COL9A3: variants seen among roughly 807,000 people sequenced by gnomAD.
COL9A3 encodes collagen alpha-3(IX) chain.
COL9A3 carries 82 observed loss-of-function variants against 110.2 expected under a neutral mutation model. That is an observed-to-expected ratio of 0.74 (90% CI 0.62 to 0.89). COL9A3 has a LOEUF of 0.89. Ranked by LOEUF, COL9A3 falls within the 40% of genes least tolerant of loss-of-function variation. The probability of loss-of-function intolerance (pLI) is 0.00; values close to 1 mark genes in which losing one functional copy is unlikely to be tolerated. For synonymous variants in COL9A3, 494 were observed against 403.8 expected (o/e 1.22, Z -2.68); for missense variants, 1,066 against 981.3 (o/e 1.09, Z -1.15).
intron 25 of COL9A3, 22 bp from the exon 26 acceptor site, chr20:62,832,998 C>T (rs760518094): frequency 3.1e-6 from 5 of 1,612,622 alleles, no homozygotes; most frequent in Admixed American, 3.3e-5. Flanking sequence ...GCTCTTTTAA[C>T]TTTGGGGTGT....
upstream of COL9A3, among the ~76,000 whole-genome samples, chr20:62,816,792 A>G (rs954516603): frequency 6.6e-6 from 1 of 152,128 alleles, no homozygotes; most frequent in Non-Finnish European, 1.5e-5. Context: ...CTCTTGCTCA[A>G]AGCTGCGTGT....
chr20:62,832,831 C>T lies in COL9A3; in HGVS notation c.1324-189C>T, dbSNP rs973926637. The T allele has an allele frequency of 4.0e-5, 24 of 596,586 alleles. No homozygotes were observed. The African/African-American group carries it at 4.1e-4, about 10-fold the overall frequency. 37.0% of individuals were successfully genotyped at this position (596,586 alleles called of 1,614,324 possible). ...AAATGTCTTCCGTTTTTTGGCCCCG[C>T]CCCTGCCTGCAGGTCTCCCAAGGGC... is the stretch of plus-strand genomic sequence containing the variant. On this transcript the variant is annotated intron_variant, in intron 25 of 31. Transcript: ENST00000649368.
chr20:62,817,865 C>G (rs780329094), intron 2 of COL9A3: 1 of 663,538 alleles, frequency 1.5e-6, no homozygotes. Context: ...AATGCCGGCA[C>G]TGAGGTGTGT....
intron 19 of COL9A3, 48 bp from the exon 20 acceptor site, chr20:62,829,407 G>A (rs540322106): frequency 1.6e-5 from 25 of 1,611,180 alleles, no homozygotes; most frequent in African/African-American, 8.0e-5. Context: ...TGCTGCTGCC[G>A]GCGTGCAATG....
At chr20:62,840,468 C>T in intron 31 of COL9A3, 74 bp from the exon 32 acceptor site, 2 of 1,372,858 alleles carry the variant, frequency 1.5e-6, no homozygotes, top group Non-Finnish European at 2.1e-6. Context: ...CAGGGCTTGC[C>T]CACAGCTGGA....
chr20:62,839,506 T>TA (rs1490056708), intron 31 of COL9A3, among the ~76,000 whole-genome samples: 1 of 152,192 alleles, frequency 6.6e-6, no homozygotes, highest in Non-Finnish European at 1.5e-5. Context: ...CAGGAGGCCT[T>TA]AGACTCCAAG....
intron 31 of COL9A3, among the ~76,000 whole-genome samples, 186 bp from the exon 32 acceptor site, chr20:62,840,356 A>G (rs1168237457): frequency 6.6e-6 from 1 of 151,102 alleles, no homozygotes; most frequent in East Asian, 2.0e-4. Flanking sequence ...TTCCCCGGAC[A>G]CTCCCGACCG....
At position 62,829,009 on chromosome 20, in the gene COL9A3, C is replaced by A. The variant is rs781232344; in HGVS notation, c.1008+33C>A. On this transcript the variant is annotated intron_variant, in intron 19 of 31. Coordinates refer to ENST00000649368, the MANE Select transcript of COL9A3 (RefSeq NM_001853.4). ...CCCGGCGGGTGGGGCCAGCCTGGGG[C>A]GCCACAGCTTCTGCCTGCTCAGTGG... 3.2e-6 allele frequency: 5 copies of A among 1,573,576 alleles called. No homozygotes were observed. The East Asian group carries it at 9.3e-5, about 29-fold the overall frequency.
rs116631372 is a variant in COL9A3 at position 62,838,457 on chromosome 20, G to A, written c.1787-227G>A. 0.011 allele frequency among the ~76,000 whole-genome samples: 1,653 copies of A among 152,334 alleles called. 21 individuals carry two copies. Among genetic ancestry groups the A allele is most frequent in the African/African-American group, 0.036 (1,478 of 41,574 alleles). The stretch of plus-strand genomic sequence containing the variant: ...CTTAAGGGACCACTGTCACCTATGC[G>A]GTGCGTCGTCCACCTGCAGCCGTCC... On this transcript the variant is annotated intron_variant, in intron 30 of 31. Coordinates refer to ENST00000649368, the MANE Select transcript of COL9A3 (RefSeq NM_001853.4).
chr20:62,821,798 C>T lies in COL9A3; in HGVS notation c.411C>T (p.Leu137=), dbSNP rs756596948. The change falls in exon 8 of 32, where the codon CTC becomes CTT. Residue 137 remains leucine (L), a synonymous_variant. Transcript: ENST00000649368. The stretch of plus-strand genomic sequence containing the variant: ...GCGGCCCCCCAGGTGGGATCGGCCT[C>T]CGCGGCCCCCCGGTGAGTGGCTGTC... ...GVSGPPGGIG[L]RGPPGPSGLP... 1.9e-6 allele frequency: 3 copies of T among 1,604,716 alleles called. No individual in the cohort carries two copies. The African/African-American group carries it at 4.0e-5, about 21-fold the overall frequency.
Position 62,817,140 on chromosome 20 carries a change from C to T in COL9A3, c.76C>T (p.Gln26Ter). 7.2e-7 allele frequency: 1 copy of T among 1,395,116 alleles called. No individual in the cohort carries two copies. Among genetic ancestry groups the T allele is most frequent in the South Asian group, 1.4e-5 (1 of 70,724 alleles). 86.4% of individuals were successfully genotyped at this position (1,395,116 alleles called of 1,614,324 possible). ...GGAGCTTCTGGCGGCCGCCGGGGCG[C>T]AGGTGAGCGCGAGCTCCGGGCTCTG... ...LGELLAAAGA[Q>*]RVGLPGPPGP... Residue 26 changes from glutamine to a stop codon, truncating the protein, a stop_gained and splice_region_variant, in exon 1 of 32, where the codon CAG (glutamine) becomes TAG (stop). Transcript: ENST00000649368. LOFTEE classifies it high-confidence loss of function.
Position 62,828,960 on chromosome 20 carries a change from G to T in COL9A3, c.992G>T (p.Gly331Val), listed in dbSNP as rs1289798628. 2 of 1,609,218 alleles carry T rather than the reference G, an allele frequency of 1.2e-6. No homozygotes were observed. Among genetic ancestry groups the T allele is most frequent in the East Asian group, 2.2e-5 (1 of 44,784 alleles). Residue 331 changes from glycine to valine, a missense_variant, in exon 19 of 32, where the codon GGC (glycine) becomes GTC (valine). Transcript: ENST00000649368. ...AGRNGAPGEK[G>V]PNGLPGLPGR... ...CGCAACGGTGCTCCGGGAGAGAAGGGCCCCAACGGGCTGCCGGTGAGTGCC... is the reference window on the plus strand; with the variant it reads ...CGCAACGGTGCTCCGGGAGAGAAGGTCCCCAACGGGCTGCCGGTGAGTGCC...
In COL9A3 at chr20:62,825,797, C is replaced by T. The variant is rs1371867660; in HGVS notation, c.631-20C>T. The T allele has an allele frequency of 6.4e-7, 1 of 1,551,748 alleles. No homozygotes were observed. The highest frequency in any genetic ancestry group is 8.7e-7 in the Non-Finnish European group (1 of 1,147,446). On this transcript the variant is annotated intron_variant, in intron 12 of 31. Coordinates refer to ENST00000649368, the MANE Select transcript of COL9A3 (RefSeq NM_001853.4). ...GAGAGCCAGACTGGGCCGCTGACCA[C>T]CCTATCCCCTCTGTTTCAGGGTGAC...
At chr20:62,818,910 T>C (rs1991025488) in intron 3 of COL9A3, among the ~76,000 whole-genome samples, 1 of 152,202 alleles carries the variant, frequency 6.6e-6, no homozygotes, top group Admixed American at 6.5e-5. Context: ...GAGCCCTGTC[T>C]GGGCCCACTG....
chr20:62,829,566 G>T (rs1389088243), intron 20 of COL9A3, 62 bp from the exon 21 acceptor site: 19 of 1,611,230 alleles, frequency 1.2e-5, no homozygotes, highest in Non-Finnish European at 1.5e-5. Flanking sequence ...GGGGCTGGGG[G>T]GCCAGCGACC....
chr20:62,831,944 C>G, intron 24 of COL9A3: 1 of 638,418 alleles, frequency 1.6e-6, no homozygotes, highest in Non-Finnish European at 2.9e-6. Context: ...TCACTACCCA[C>G]AAGGGGAGGC....
intron 25 of COL9A3, 183 bp from the exon 26 acceptor site, chr20:62,832,837 C>T: frequency 2.1e-6 from 1 of 465,776 alleles, no homozygotes; most frequent in South Asian, 3.0e-5. Flanking sequence ...CCCGCCCCTG[C>T]CTGCAGGTCT....
At chr20:62,833,567 C>A (rs2147222928) in intron 26 of COL9A3, among the ~76,000 whole-genome samples, 1 of 151,844 alleles carries the variant, frequency 6.6e-6, no homozygotes, top group South Asian at 2.1e-4. Context: ...CCATGCCCAG[C>A]TAATTTTTTG....
intron 25 of COL9A3, 98 bp downstream of exon 25, chr20:62,832,287 C>T (rs1420280174): frequency 6.4e-6 from 8 of 1,240,706 alleles, no homozygotes; most frequent in African/African-American, 6.0e-5. Context: ...GCTGTGTTTT[C>T]GGGACACTGA....
Sources: allele counts gnomAD v4.1 joint callset (sites outside exome capture counted in the v4.1 genomes callset), GRCh38; gene constraint gnomAD v4.1.1; transcripts MANE v1.5; gene names NCBI Gene and HGNC (gene_info 2026-07-23, HGNC 2026-07-21).